Variants in PDE4B observed in about 807,000 individuals in gnomAD.
PDE4B encodes the protein phosphodiesterase 4B.
In PDE4B, 20 loss-of-function variants were observed where a neutral mutation model predicts 82.2. The observed-to-expected ratio is 0.24, with a 90% CI of 0.17 to 0.35. The LOEUF is 0.35. Among genes scored for constraint, PDE4B ranks in the 10% least tolerant of loss-of-function variants. PDE4B has a pLI of 1.00. For missense variants in PDE4B, 655 were observed against 907.2 expected, an observed-to-expected ratio of 0.72 and a Z score of 3.57; for synonymous variants, 320 against 318.9, an observed-to-expected ratio of 1.00 and a Z score of -0.04.
chr1:66,019,454 C>G (rs1652969649), intron 3 of PDE4B, among the ~76,000 whole-genome samples: 3 of 146,012 alleles, frequency 2.1e-5, no homozygotes, highest in African/African-American at 7.6e-5. Context: ...CTCCCAGGTT[C>G]AAGCAATTCA....
intron 3 of PDE4B, among the ~76,000 whole-genome samples, chr1:65,952,668 G>A (rs994416341): frequency 8.6e-5 from 13 of 151,944 alleles, no homozygotes; most frequent in African/African-American, 2.9e-4. Flanking sequence ...GGTCACAAGA[G>A]CAAAACTTGG....
intron 1 of PDE4B, among the ~76,000 whole-genome samples, chr1:65,802,892 CAT>C (rs1373228930): frequency 3.9e-5 from 6 of 151,932 alleles, no homozygotes; most frequent in Non-Finnish European, 2.9e-5. Context: ...TTAATGATGA[CAT>C]ATATAAGTGT....
chr1:65,851,244 C>A (rs1646329157), intron 1 of PDE4B, among the ~76,000 whole-genome samples: 1 of 152,126 alleles, frequency 6.6e-6, no homozygotes, highest in East Asian at 1.9e-4. Flanking sequence ...TGCCATCCAA[C>A]AGTTTAAGTC....
chr1:66,207,318 G>A (rs1169518810), intron 3 of PDE4B, among the ~76,000 whole-genome samples: 1 of 152,038 alleles, frequency 6.6e-6, no homozygotes, highest in Non-Finnish European at 1.5e-5. Context: ...CAAGATTAAA[G>A]CCAATTTCTT....
chr1:66,035,063 T>TA (rs1436025807), intron 3 of PDE4B, among the ~76,000 whole-genome samples: 1 of 152,226 alleles, frequency 6.6e-6, no homozygotes, highest in East Asian at 1.9e-4. Context: ...TGCATACTAA[T>TA]CTTTCAGTAC....
chr1:66,003,159 A>G (rs1010388078), intron 3 of PDE4B, among the ~76,000 whole-genome samples: 1 of 152,146 alleles, frequency 6.6e-6, no homozygotes, highest in African/African-American at 2.4e-5. Flanking sequence ...TACATTTATA[A>G]TATCCACAGT....
chr1:65,883,877 A>T (rs1646739208), intron 1 of PDE4B, among the ~76,000 whole-genome samples: 1 of 152,128 alleles, frequency 6.6e-6, no homozygotes, highest in African/African-American at 2.4e-5. Context: ...TGGCCGTTGA[A>T]TTTTGTCAAA....
At chr1:66,316,439 T>C (rs1659033918) in intron 7 of PDE4B, among the ~76,000 whole-genome samples, 1 of 152,240 alleles carries the variant, frequency 6.6e-6, no homozygotes, top group African/African-American at 2.4e-5. Context: ...ATCTATAATC[T>C]AGATTATCCC....
At chr1:65,823,996 T>G (rs956212677) in intron 1 of PDE4B, among the ~76,000 whole-genome samples, 3 of 152,194 alleles carry the variant, frequency 2.0e-5, no homozygotes, top group Non-Finnish European at 4.4e-5. Context: ...CTACCTGGTG[T>G]TATAGTTGTC....
At chr1:65,808,520 T>C (rs1457776054) in intron 1 of PDE4B, among the ~76,000 whole-genome samples, 1 of 152,174 alleles carries the variant, frequency 6.6e-6, no homozygotes, top group Non-Finnish European at 1.5e-5. Context: ...AGTGAGGGAA[T>C]AGTAAGTCTA....
chr1:66,070,857 T>C (rs1656120392), intron 3 of PDE4B, among the ~76,000 whole-genome samples: 1 of 152,070 alleles, frequency 6.6e-6, no homozygotes, highest in Admixed American at 6.6e-5. Context: ...TTTTCTATCT[T>C]GGTAAGTTAT....
chr1:66,158,320 G>GGTTA (rs1646541916), intron 3 of PDE4B, among the ~76,000 whole-genome samples: 1 of 152,158 alleles, frequency 6.6e-6, no homozygotes, highest in Admixed American at 6.5e-5. Flanking sequence ...CCTGACAAGG[G>GGTTA]GTTAATATCC....
At chr1:65,813,503 A>C (rs1645843658) in intron 1 of PDE4B, among the ~76,000 whole-genome samples, 1 of 152,226 alleles carries the variant, frequency 6.6e-6, no homozygotes, top group African/African-American at 2.4e-5. Context: ...GGAAAAAGCC[A>C]GATCAGAGTA....
chr1:65,806,531 G>C (rs1004915279), intron 1 of PDE4B, among the ~76,000 whole-genome samples: 1 of 152,156 alleles, frequency 6.6e-6, no homozygotes, highest in Admixed American at 6.5e-5. Flanking sequence ...CACTTTCAGA[G>C]TTTTAAATTC....
At chr1:66,195,322 T>C (rs1245964695) in intron 3 of PDE4B, among the ~76,000 whole-genome samples, 5 of 152,148 alleles carry the variant, frequency 3.3e-5, no homozygotes, top group Non-Finnish European at 7.4e-5. Flanking sequence ...AAATCAGTGG[T>C]ATCTTTGACT....
intron 3 of PDE4B, among the ~76,000 whole-genome samples, chr1:65,938,174 C>T (rs906606480): frequency 1.3e-5 from 2 of 152,162 alleles, no homozygotes; most frequent in African/African-American, 2.4e-5. Context: ...AACCTGGGCT[C>T]TCCTCCACTG....
At chr1:66,090,621 A>ATATATATG in intron 3 of PDE4B, among the ~76,000 whole-genome samples, 16 of 122,714 alleles carry the variant, frequency 1.3e-4, no homozygotes, top group African/African-American at 5.3e-4. Flanking sequence ...TATATAATAT[A>ATATATATG]TGTGTGTGTG....
intron 8 of PDE4B, among the ~76,000 whole-genome samples, chr1:66,343,634 T>C (rs1010803329): frequency 3.3e-5 from 5 of 152,250 alleles, no homozygotes; most frequent in African/African-American, 1.2e-4. Context: ...CAAGGAGGCA[T>C]AGATTTCTTT....
intron 6 of PDE4B, among the ~76,000 whole-genome samples, chr1:66,258,535 A>T (rs1390317364): frequency 6.6e-6 from 1 of 152,206 alleles, no homozygotes. Context: ...ACAGTATCAC[A>T]AAGGTCAGAG....
Sources: allele counts gnomAD v4.1 joint callset (sites outside exome capture counted in the v4.1 genomes callset), GRCh38; gene constraint gnomAD v4.1.1; transcripts MANE v1.5; gene names NCBI Gene and HGNC (gene_info 2026-07-23, HGNC 2026-07-21).